Variants in ERO1A observed in about 807,000 individuals in gnomAD.
ERO1A encodes endoplasmic reticulum oxidoreductase 1 alpha.
Under a neutral mutation model 76.9 loss-of-function variants are expected in ERO1A, and 49 were observed. The observed-to-expected ratio is 0.64, with a 90% CI of 0.51 to 0.81. The LOEUF (loss-of-function observed/expected upper bound fraction) is 0.81, where lower values mean the gene tolerates loss of function less well. ERO1A is among the 30% of genes least tolerant of loss of function. ERO1A has a pLI of 0.00. For missense variants in ERO1A, 448 were observed against 542.1 expected, an observed-to-expected ratio of 0.83 and a Z score of 1.72; for synonymous variants, 174 against 181.2, an observed-to-expected ratio of 0.96 and a Z score of 0.32.
chr14:52,668,486 A>G (rs567446614), intron 6 of ERO1A, among the ~76,000 whole-genome samples: 1 of 152,290 alleles, frequency 6.6e-6, no homozygotes, highest in Admixed American at 6.5e-5. Context: ...CAGAGGTTAC[A>G]GTGAGCTGAG....
At chr14:52,670,187 A>C (rs1232743871) in intron 6 of ERO1A, among the ~76,000 whole-genome samples, 7 of 152,216 alleles carry the variant, frequency 4.6e-5, no homozygotes, top group African/African-American at 1.7e-4. Flanking sequence ...GGCATAAGCC[A>C]ACAAGCCAGG....
intron 3 of ERO1A, among the ~76,000 whole-genome samples, chr14:52,681,534 C>T (rs1434901302): frequency 1.3e-5 from 2 of 151,912 alleles, no homozygotes; most frequent in South Asian, 2.1e-4. Flanking sequence ...ACCCAGGAGG[C>T]GGAGGTTGCA....
Position 52,695,422 on chromosome 14 carries a change from C to G in ERO1A, c.60G>C (p.Ser20=). 29 of 1,551,752 alleles carry G rather than the reference C, an allele frequency of 1.9e-5. No individual in the cohort carries two copies. The highest frequency in any genetic ancestry group is 2.5e-5 in the Non-Finnish European group (29 of 1,148,912). The change falls in exon 1 of 16, where the codon TCG becomes TCC. Residue 20 remains serine, a synonymous_variant. Transcript: ENST00000395686. The part of the protein sequence containing the change: ...GLLGAVWLLS[S]GHGEEQPPET... ...CCGGGGGCTGCTCCTCTCCGTGGCC[C>G]GAGCTGAGCAGCCACACGGCGCCCA...
chr14:52,648,793 T>G (rs911615940), intron 13 of ERO1A, among the ~76,000 whole-genome samples: 5 of 152,208 alleles, frequency 3.3e-5, no homozygotes, highest in Admixed American at 2.0e-4. Context: ...TGACAGCTCT[T>G]GAGTAAGTCT....
intron 13 of ERO1A, among the ~76,000 whole-genome samples, chr14:52,650,682 G>A (rs1421299126): frequency 6.6e-5 from 10 of 152,178 alleles, no homozygotes; most frequent in Admixed American, 6.5e-4. Context: ...TAAGAGAGAA[G>A]AGAAATATAA....
At chr14:52,681,811 G>A (rs1311917512) in intron 3 of ERO1A, among the ~76,000 whole-genome samples, 1 of 151,926 alleles carries the variant, frequency 6.6e-6, no homozygotes, top group Non-Finnish European at 1.5e-5. Flanking sequence ...GAAAAAAGAG[G>A]GGGGGAATTT....
intron 6 of ERO1A, among the ~76,000 whole-genome samples, chr14:52,668,672 A>G (rs1365352618): frequency 6.6e-6 from 1 of 151,284 alleles, no homozygotes; most frequent in African/African-American, 2.4e-5. Flanking sequence ...AGAGATAAAC[A>G]TTTGTTGCCT....
At chr14:52,660,039 A>G (rs35769125) in intron 9 of ERO1A, among the ~76,000 whole-genome samples, 62,917 of 151,722 alleles carry the variant, frequency 0.41, 13,806 homozygotes, top group Middle Eastern at 0.55. Context: ...TCACCAGGTT[A>G]GCCAGGCTGG....
Position 52,678,207 on chromosome 14 carries a change from T to A in ERO1A, c.357+227A>T, listed in dbSNP as rs1272265712. On this transcript the variant is annotated intron_variant, in intron 4 of 15. Transcript: ENST00000395686. ...TGAACCGGGGAGGCGGAGGTTGCAG[T>A]GAGCCAAGATCACGCCACTGCTCCA... is the stretch of plus-strand genomic sequence containing the variant. 3 of 328,586 alleles carry A rather than the reference T, an allele frequency of 9.1e-6. No individual in the cohort carries two copies. The East Asian group carries it at 1.4e-4, about 16-fold the overall frequency. The allele number at this position is 328,586 out of a possible 1,614,324, so 20.4% of individuals were successfully genotyped here.
In ERO1A at chr14:52,678,527, A is replaced by T. The variant is rs537949064; in HGVS notation, c.319-55T>A. 56 of 1,423,108 alleles carry T rather than the reference A, an allele frequency of 3.9e-5. No individual in the cohort carries two copies. In the Admixed American group the frequency reaches 1.0e-3, roughly 26 times the overall value. 88.2% of individuals were successfully genotyped at this position (1,423,108 alleles called of 1,614,324 possible). ...GGCATTTATTCTATCTTCTTAAAAC[A>T]TATCTTAAATTTCTGTGATTTATGA... is the stretch of plus-strand genomic sequence containing the variant. On this transcript the variant is annotated intron_variant, in intron 3 of 15. Coordinates refer to ENST00000395686, the MANE Select transcript of ERO1A (RefSeq NM_014584.3).
chr14:52,663,669 C>CCCCCA lies in ERO1A; in HGVS notation c.676+131_676+132insTGGGG, dbSNP rs2040306258. Reference sequence around the variant, plus strand: ...AGCACCAATCTCTGCAAGCGTGAGGCATAACTCTATGGAAACAGGACTGTG... The same window carrying CCCCCA: ...AGCACCAATCTCTGCAAGCGTGAGGCCCCCAATAACTCTATGGAAACAGGACTGTG... On this transcript the variant is annotated intron_variant, in intron 8 of 15. Transcript: ENST00000395686. 21 of 566,312 alleles carry CCCCCA rather than the reference C, an allele frequency of 3.7e-5. 1 individual carries two copies. The South Asian group carries it at 5.1e-4, about 14-fold the overall frequency. The allele number at this position is 566,312 out of a possible 1,614,324, so 35.1% of individuals were successfully genotyped here. A position where few individuals can be genotyped will look rare whatever the true frequency, so the allele number is the denominator to read the frequency against.
At chr14:52,680,828 T>C (rs2040969415) in intron 3 of ERO1A, among the ~76,000 whole-genome samples, 1 of 152,238 alleles carries the variant, frequency 6.6e-6, no homozygotes, top group Non-Finnish European at 1.5e-5. Context: ...CTTCTCATTC[T>C]CATGGTAAAA....
chr14:52,659,868 C>A (rs1367456509), intron 9 of ERO1A, among the ~76,000 whole-genome samples: 1 of 151,558 alleles, frequency 6.6e-6, no homozygotes, highest in Non-Finnish European at 1.5e-5. Context: ...CAGTCTTGCT[C>A]TGTTACCCAG....
In ERO1A at chr14:52,682,363, A is replaced by G. The variant is rs757585520; in HGVS notation, c.280T>C (p.Cys94Arg). Reference protein sequence around the residue: ...PCPFWNDISQCGRRDCAVKPC... With the variant: ...PCPFWNDISQRGRRDCAVKPC... Reference sequence around the variant, plus strand: ...TTGACAGCACAGTCCCTTCTTCCACACTGGCTGATGTCATTCCAGAAAGGA... The same window carrying G: ...TTGACAGCACAGTCCCTTCTTCCACGCTGGCTGATGTCATTCCAGAAAGGA... The change falls in exon 3 of 16, where the codon TGT (cysteine) becomes CGT (arginine). Residue 94 changes from cysteine (C) to arginine (R), a missense_variant. Physicochemically the swap from Cys to Arg is radical, Grantham distance 180 (BLOSUM62 -3). Coordinates refer to ENST00000395686, the MANE Select transcript of ERO1A (RefSeq NM_014584.3). The G allele has an allele frequency of 2.5e-6, 4 of 1,612,230 alleles. No homozygotes were observed. Among genetic ancestry groups the G allele is most frequent in the Admixed American group, 3.3e-5 (2 of 59,994 alleles).
intron 4 of ERO1A, 78 bp from the exon 5 acceptor site, chr14:52,671,949 A>G (rs758462628): frequency 4.7e-5 from 46 of 987,758 alleles, no homozygotes; most frequent in Non-Finnish European, 6.4e-5. Context: ...AGTTATCTGA[A>G]GCTCTTTTTA....
Position 52,672,776 on chromosome 14 carries a change from C to CAAAA in ERO1A, c.358-909_358-906dup, listed in dbSNP as rs1226719026. Among the ~76,000 whole-genome samples the CAAAA allele has an allele frequency of 8.1e-3, 478 of 59,104 alleles. 2 individuals carry two copies. Among genetic ancestry groups the CAAAA allele is most frequent in the Non-Finnish European group, 0.012 (338 of 27,148 alleles). 38.8% of individuals were successfully genotyped at this position (59,104 alleles called of 152,430 possible). A position where few individuals can be genotyped will look rare whatever the true frequency, so the allele number is the denominator to read the frequency against. On this transcript the variant is annotated intron_variant, in intron 4 of 15. Coordinates refer to ENST00000395686, the MANE Select transcript of ERO1A (RefSeq NM_014584.3). ...AACAGAGACAGACCCTGTCTCTGACCAAAAAAAAAAAAAAAAACAAAAAAC... is the reference window on the plus strand; with the variant it reads ...AACAGAGACAGACCCTGTCTCTGACCAAAAAAAAAAAAAAAAAAAAACAAAAAAC...
At chr14:52,686,643 C>T (rs149040667) in intron 1 of ERO1A, among the ~76,000 whole-genome samples, 281 of 152,154 alleles carry the variant, frequency 1.8e-3, no homozygotes, top group Non-Finnish European at 2.7e-3. Flanking sequence ...TTTGGGTGGC[C>T]GAGGCAGGCG....
intron 1 of ERO1A, among the ~76,000 whole-genome samples, chr14:52,686,633 T>G (rs927665335): frequency 2.0e-5 from 3 of 152,148 alleles, no homozygotes; most frequent in African/African-American, 7.2e-5. Flanking sequence ...ATCCCAGCAC[T>G]TTGGGTGGCC....
intron 9 of ERO1A, chr14:52,658,662 T>C (rs2040130518): frequency 6.5e-6 from 1 of 152,718 alleles, no homozygotes. Context: ...GTATCACTTA[T>C]ATTCTTATGA....
Sources: gnomAD v4.1 joint callset for allele counts (sites outside exome capture counted in the v4.1 genomes callset) on GRCh38, gnomAD v4.1.1 for gene constraint, MANE v1.5 for transcripts, NCBI Gene and HGNC (gene_info 2026-07-23, HGNC 2026-07-21) for gene names.